GABRR1: variants seen among roughly 807,000 people sequenced by gnomAD.
GABRR1 encodes gamma-aminobutyric acid type A receptor subunit rho1, also known as gamma-aminobutyric acid receptor subunit rho-1.
In GABRR1, 59 loss-of-function variants were observed where a neutral mutation model predicts 55.5. The observed-to-expected ratio is 1.06, with a 90% CI of 0.86 to 1.32. GABRR1 has a LOEUF of 1.32. Among genes scored for constraint, GABRR1 ranks in the 40% most tolerant of loss-of-function variants. GABRR1 has a pLI of 0.00. For synonymous variants in GABRR1, 213 were observed against 226.0 expected (o/e 0.94, Z 0.51); for missense variants, 602 against 619.1 (o/e 0.97, Z 0.29).
At chr6:89,188,551 A>G (rs1056586943) in intron 6 of GABRR1, among the ~76,000 whole-genome samples, 1 of 152,042 alleles carries the variant, frequency 6.6e-6, no homozygotes, top group Non-Finnish European at 1.5e-5. Context: ...CCATTTGTAT[A>G]CCGTCTTTGG....
upstream of GABRR1, chr6:89,217,531 T>G: frequency 2.2e-6 from 1 of 464,390 alleles, no homozygotes. Context: ...TGTCAGGGAT[T>G]TTCTGAACTG....
chr6:89,187,039 A>G (rs906655464), intron 6 of GABRR1, among the ~76,000 whole-genome samples: 3 of 152,176 alleles, frequency 2.0e-5, no homozygotes, highest in Non-Finnish European at 2.9e-5. Flanking sequence ...ACTGCCAGGG[A>G]GTGCCAGTGT....
chr6:89,188,294 G>A (rs1771976069), intron 6 of GABRR1, among the ~76,000 whole-genome samples: 1 of 152,184 alleles, frequency 6.6e-6, no homozygotes, highest in African/African-American at 2.4e-5. Flanking sequence ...ACAGTGCTGG[G>A]ATTACAGGTA....
upstream of GABRR1, chr6:89,217,368 A>G: frequency 1.2e-6 from 2 of 1,601,158 alleles, no homozygotes; most frequent in Non-Finnish European, 1.7e-6. Flanking sequence ...GCAAAAAGGA[A>G]AAGATTGTTC....
chr6:89,210,182 A>ATTT (rs60158472), intron 1 of GABRR1, among the ~76,000 whole-genome samples: 1 of 80,182 alleles, frequency 1.2e-5, no homozygotes, highest in Non-Finnish European at 2.3e-5. Context: ...TTCTGCAGCA[A>ATTT]TTTTTTTTTT....
chr6:89,188,378 T>G (rs9362625), intron 6 of GABRR1, among the ~76,000 whole-genome samples: 24,858 of 152,202 alleles, frequency 0.16, 2,207 homozygotes, highest in Admixed American at 0.25. Context: ...CATTATACAT[T>G]ACTACCCACA....
At chr6:89,205,685 C>A (rs2297391) in intron 1 of GABRR1, 15,523 of 152,280 alleles carry the variant, frequency 0.1, 949 homozygotes, top group Non-Finnish European at 0.13. Context: ...TGCTGGAAGG[C>A]TCATTCAGCT....
chr6:89,189,042 C>CTGTGTGTGTGTGTGTG (rs71913424), intron 6 of GABRR1, among the ~76,000 whole-genome samples: 2 of 147,428 alleles, frequency 1.4e-5, no homozygotes, highest in African/African-American at 5.0e-5. Context: ...GAACTCATGT[C>CTGTGTGTGTGTGTGTG]TGTGTGTGTG....
intron 4 of GABRR1, 35 bp downstream of exon 4, chr6:89,199,327 C>A: frequency 6.3e-7 from 1 of 1,599,846 alleles, no homozygotes; most frequent in Non-Finnish European, 8.6e-7. Flanking sequence ...CTTTGTGAAT[C>A]CCCCTGCCAC....
chr6:89,210,394 A>C (rs368105430), intron 1 of GABRR1, among the ~76,000 whole-genome samples: 1 of 151,858 alleles, frequency 6.6e-6, no homozygotes, highest in East Asian at 1.9e-4. Context: ...GGGTTTCACT[A>C]TGTTGCCTAG....
In GABRR1 at chr6:89,192,711, C is replaced by T. The variant is rs561329444; in HGVS notation, c.573-2464G>A. 4.4e-3 allele frequency among the ~76,000 whole-genome samples: 662 copies of T among 152,174 alleles called. 2 individuals carry two copies. The highest frequency in any genetic ancestry group is 3.9e-3 in the Non-Finnish European group (266 of 67,992). The stretch of plus-strand genomic sequence containing the variant: ...GAGTAGCTGGGACTACAGACATGTG[C>T]CACCATGCCCAGCTAATTTTTGTAT... On this transcript the variant is annotated intron_variant, in intron 5 of 9. Transcript: ENST00000454853.
intron 6 of GABRR1, among the ~76,000 whole-genome samples, chr6:89,185,867 A>G (rs539849655): frequency 1.3e-5 from 2 of 152,336 alleles, no homozygotes; most frequent in East Asian, 3.9e-4. Flanking sequence ...CGACTCATCA[A>G]TTGATGGCAA....
chr6:89,217,364 A>G, upstream of GABRR1: 1 of 1,605,996 alleles, frequency 6.2e-7, no homozygotes, highest in Non-Finnish European at 8.5e-7. Flanking sequence ...AACAGCAAAA[A>G]GGAAAAGATT....
At chr6:89,209,901 G>T (rs1772771219) in intron 1 of GABRR1, among the ~76,000 whole-genome samples, 1 of 152,256 alleles carries the variant, frequency 6.6e-6, no homozygotes, top group East Asian at 1.9e-4. Flanking sequence ...GCAAGAAAAT[G>T]TTAATTTGAA....
At chr6:89,213,861 T>C (rs1172218168) in intron 1 of GABRR1, among the ~76,000 whole-genome samples, 1 of 27,078 alleles carries the variant, frequency 3.7e-5, no homozygotes, top group Admixed American at 2.6e-4. Flanking sequence ...AATTTTTTTC[T>C]CTTTTTTTGG....
chr6:89,187,834 T>C (rs1269572455), intron 6 of GABRR1, among the ~76,000 whole-genome samples: 1 of 152,250 alleles, frequency 6.6e-6, no homozygotes, highest in Non-Finnish European at 1.5e-5. Context: ...TCTTCCACTG[T>C]ATGCAGATAC....
intron 1 of GABRR1, among the ~76,000 whole-genome samples, chr6:89,226,658 G>C (rs1773208076): frequency 1.0e-5 from 1 of 98,062 alleles, no homozygotes; most frequent in Admixed American, 1.1e-4. Context: ...TGCTGTTTTG[G>C]TTACTGTAGC....
chr6:89,224,587 A>G (rs922736306), intron 1 of GABRR1, among the ~76,000 whole-genome samples: 4 of 152,056 alleles, frequency 2.6e-5, no homozygotes, highest in Non-Finnish European at 5.9e-5. Flanking sequence ...TGCCTGATGT[A>G]TAGATTGTGA....
At chr6:89,179,703 A>C (rs1268479304) in intron 9 of GABRR1, among the ~76,000 whole-genome samples, 1 of 152,208 alleles carries the variant, frequency 6.6e-6, no homozygotes, top group Non-Finnish European at 1.5e-5. Flanking sequence ...TGTGTGCATG[A>C]ACGTGTGCAT....
Sources: allele counts gnomAD v4.1 joint callset (sites outside exome capture counted in the v4.1 genomes callset), GRCh38; gene constraint gnomAD v4.1.1; transcripts MANE v1.5; gene names NCBI Gene and HGNC (gene_info 2026-07-23, HGNC 2026-07-21).